The following PCDH15 variants were observed in gnomAD, a reference collection of about 807,000 sequenced individuals.
PCDH15 encodes protocadherin-15.
PCDH15 carries 129 observed loss-of-function variants against 178.5 expected under a neutral mutation model. That is an observed-to-expected ratio of 0.72 (90% confidence interval 0.63 to 0.84). The LOEUF (loss-of-function observed/expected upper bound fraction) is 0.84, where lower values mean the gene tolerates loss of function less well. Ranked by LOEUF, PCDH15 falls within the 40% of genes least tolerant of loss-of-function variation. The pLI is 0.00. For missense variants in PCDH15, 2,230 were observed against 2,099.9 expected, an observed-to-expected ratio of 1.06 and a Z score of -1.21; for synonymous variants, 800 against 732.0, an observed-to-expected ratio of 1.09 and a Z score of -1.50.
At chr10:54,486,847 T>C (rs2079145188) in intron 3 of PCDH15, among the ~76,000 whole-genome samples, 1 of 151,972 alleles carries the variant, frequency 6.6e-6, no homozygotes, top group African/African-American at 2.4e-5. Flanking sequence ...TTCTCTTTCT[T>C]GGGACTCTAC....
At chr10:53,931,786 T>G (rs572100305) in intron 25 of PCDH15, among the ~76,000 whole-genome samples, 1 of 152,328 alleles carries the variant, frequency 6.6e-6, no homozygotes, top group East Asian at 1.9e-4. Flanking sequence ...GTTCAATATA[T>G]GAATCTAATA....
chr10:53,848,355 AAATAATATAT>A (rs1460469979), intron 28 of PCDH15, among the ~76,000 whole-genome samples: 2 of 151,988 alleles, frequency 1.3e-5, no homozygotes, highest in Non-Finnish European at 2.9e-5. Flanking sequence ...TGTTTTGATA[AAATAATATAT>A]AATGATGTCC....
chr10:54,870,035 C>T (rs370470946), intron 3 of PCDH15, among the ~76,000 whole-genome samples: 4 of 152,158 alleles, frequency 2.6e-5, no homozygotes, highest in Non-Finnish European at 4.4e-5. Flanking sequence ...TGCAGTAACT[C>T]GCCACCAATG....
At chr10:55,516,653 T>C (rs968932504) in intron 2 of PCDH15, among the ~76,000 whole-genome samples, 2 of 152,144 alleles carry the variant, frequency 1.3e-5, no homozygotes, top group Non-Finnish European at 2.9e-5. Flanking sequence ...GTCTTCTCCA[T>C]AAATTTTAGA....
At chr10:54,007,929 A>G (rs2092439685) in intron 20 of PCDH15, among the ~76,000 whole-genome samples, 2 of 152,332 alleles carry the variant, frequency 1.3e-5, no homozygotes, top group South Asian at 2.1e-4. Context: ...GACCAAGTAT[A>G]GACAATTTGA....
chr10:54,516,728 C>A (rs1018640503), intron 3 of PCDH15, among the ~76,000 whole-genome samples: 2 of 151,312 alleles, frequency 1.3e-5, no homozygotes, highest in Non-Finnish European at 3.0e-5. Flanking sequence ...AGATACTCCT[C>A]GAGAAGAGCA....
At chr10:55,423,514 C>T (rs1228945809) in intron 2 of PCDH15, among the ~76,000 whole-genome samples, 1 of 151,902 alleles carries the variant, frequency 6.6e-6, no homozygotes, top group Non-Finnish European at 1.5e-5. Flanking sequence ...TGCCTATAGT[C>T]ACACTAAGAA....
rs1211940515 is a variant in PCDH15, at chr10:54,917,705, A to T, written c.-79-20205T>A. 3.3e-5 allele frequency among the ~76,000 whole-genome samples: 5 copies of T among 152,286 alleles called. No homozygotes were observed. The Middle Eastern group carries it at 0.01, about 311-fold the overall frequency. On this transcript the variant is annotated intron_variant, in intron 2 of 5. Transcript: ENST00000458638. Reference sequence around the variant, plus strand: ...ACCTGATGTGAAGAATGAAGACTAGAGGTGGTCTCCAGAAATTTTTAGATA... The same window carrying T: ...ACCTGATGTGAAGAATGAAGACTAGTGGTGGTCTCCAGAAATTTTTAGATA...
intron 3 of PCDH15, among the ~76,000 whole-genome samples, chr10:54,420,123 G>A (rs1226484545): frequency 1.3e-5 from 2 of 152,014 alleles, no homozygotes; most frequent in Admixed American, 6.6e-5. Flanking sequence ...GTAGATGGTA[G>A]GTATATATAA....
At chr10:55,277,728 A>G (rs1220817502) in intron 1 of PCDH15, among the ~76,000 whole-genome samples, 1 of 152,044 alleles carries the variant, frequency 6.6e-6, no homozygotes, top group Non-Finnish European at 1.5e-5. Context: ...TCTACTCAAT[A>G]TGTGCCTATA....
At chr10:53,888,702 TA>T (rs1340466956) in intron 26 of PCDH15, among the ~76,000 whole-genome samples, 1 of 46,190 alleles carries the variant, frequency 2.2e-5, no homozygotes, top group Non-Finnish European at 4.5e-5. Flanking sequence ...TATATATATA[TA>T]TCTCCTGTGG....
chr10:54,583,607 C>A (rs2133827140), intron 2 of PCDH15, among the ~76,000 whole-genome samples: 1 of 152,128 alleles, frequency 6.6e-6, no homozygotes, highest in East Asian at 1.9e-4. Flanking sequence ...CATAGAAATT[C>A]TAACATACAA....
At chr10:55,343,223 C>A (rs78758450) in intron 2 of PCDH15, among the ~76,000 whole-genome samples, 219 of 152,156 alleles carry the variant, frequency 1.4e-3, no homozygotes, top group African/African-American at 5.1e-3. Context: ...ATTTACCAAA[C>A]TAAGGAATTA....
intron 26 of PCDH15, among the ~76,000 whole-genome samples, chr10:53,899,146 G>GC (rs1554850749): frequency 6.7e-6 from 1 of 149,654 alleles, no homozygotes; most frequent in Admixed American, 6.7e-5. Context: ...TTTTTTCGGG[G>GC]GGGGGTGGTC....
At chr10:53,852,117 A>T (rs2078421736) in intron 28 of PCDH15, among the ~76,000 whole-genome samples, 1 of 152,176 alleles carries the variant, frequency 6.6e-6, no homozygotes, top group Middle Eastern at 3.4e-3. Flanking sequence ...AGAACCACAG[A>T]TTCCTCTTAT....
intron 2 of PCDH15, among the ~76,000 whole-genome samples, chr10:54,911,190 T>A (rs1954808045): frequency 6.6e-6 from 1 of 152,160 alleles, no homozygotes; most frequent in African/African-American, 2.4e-5. Context: ...CACACAGGTC[T>A]TCAGATACAG....
chr10:55,596,853 G>A (rs1842945207), intron 2 of PCDH15, among the ~76,000 whole-genome samples: 1 of 150,080 alleles, frequency 6.7e-6, no homozygotes, highest in Non-Finnish European at 1.5e-5. Flanking sequence ...TGATAATACA[G>A]GTTTTTGAGG....
At chr10:54,935,424 G>A (rs1173679012) in intron 2 of PCDH15, among the ~76,000 whole-genome samples, 1 of 151,992 alleles carries the variant, frequency 6.6e-6, no homozygotes, top group African/African-American at 2.4e-5. Flanking sequence ...TATGTTTCCA[G>A]ACATTAAGTC....
chr10:54,624,918 C>T (rs908679810), intron 2 of PCDH15, among the ~76,000 whole-genome samples: 2 of 152,184 alleles, frequency 1.3e-5, no homozygotes, highest in Non-Finnish European at 2.9e-5. Context: ...ATTGATTCTA[C>T]ATTATGGTGA....
Sources: allele counts gnomAD v4.1 joint callset (sites outside exome capture counted in the v4.1 genomes callset), GRCh38; gene constraint gnomAD v4.1.1; transcripts MANE v1.5; gene names NCBI Gene and HGNC (gene_info 2026-07-23, HGNC 2026-07-21).